Variants in KCNIP4 observed in about 807,000 individuals in gnomAD.
The protein encoded by KCNIP4 is potassium voltage-gated channel interacting protein 4.
Under a neutral mutation model 34.0 loss-of-function variants are expected in KCNIP4, and 12 were observed. The observed-to-expected ratio is 0.35, with a 90% CI of 0.23 to 0.57. The LOEUF is 0.57. Ranked by LOEUF, KCNIP4 falls within the 20% of genes least tolerant of loss-of-function variation. The probability of loss-of-function intolerance (pLI) is 0.83; values close to 1 mark genes in which losing one functional copy is unlikely to be tolerated. For synonymous variants in KCNIP4, 124 were observed against 102.2 expected, an observed-to-expected ratio of 1.21 and a Z score of -1.29; for missense variants, 238 against 311.7, an observed-to-expected ratio of 0.76 and a Z score of 1.78.
intron 1 of KCNIP4, among the ~76,000 whole-genome samples, chr4:21,622,995 A>G (rs1381976757): frequency 6.6e-6 from 1 of 152,206 alleles, no homozygotes; most frequent in African/African-American, 2.4e-5. Context: ...ATTCAATATG[A>G]TGGAGCTTAT....
chr4:20,936,268 C>G (rs546191617), intron 1 of KCNIP4, among the ~76,000 whole-genome samples: 4 of 152,158 alleles, frequency 2.6e-5, no homozygotes, highest in Non-Finnish European at 5.9e-5. Flanking sequence ...TAAAGAACTG[C>G]AGTTTCCATC....
At chr4:21,817,074 T>C (rs1430046518) in intron 1 of KCNIP4, among the ~76,000 whole-genome samples, 2 of 152,168 alleles carry the variant, frequency 1.3e-5, no homozygotes, top group South Asian at 2.1e-4. Flanking sequence ...TCTCCTCTTC[T>C]ATTGGTTCCT....
chr4:21,276,100 G>T (rs1434843128), intron 1 of KCNIP4, among the ~76,000 whole-genome samples: 2 of 152,192 alleles, frequency 1.3e-5, no homozygotes, highest in Non-Finnish European at 2.9e-5. Context: ...TCAAGCAAAT[G>T]GTGCCACTAC....
intron 1 of KCNIP4, among the ~76,000 whole-genome samples, chr4:20,893,154 G>A (rs549493552): frequency 1.3e-5 from 2 of 152,248 alleles, no homozygotes; most frequent in South Asian, 4.1e-4. Context: ...ACAGACTAAG[G>A]TACAGTCATT....
intron 1 of KCNIP4, among the ~76,000 whole-genome samples, chr4:20,915,680 G>GTA (rs998085629): frequency 5.9e-5 from 9 of 151,860 alleles, no homozygotes; most frequent in Admixed American, 3.9e-4. Context: ...CACCTTATAT[G>GTA]TATATATATA....
chr4:21,034,970 G>A (rs575139761), intron 1 of KCNIP4, among the ~76,000 whole-genome samples: 168 of 152,326 alleles, frequency 1.1e-3, no homozygotes, highest in African/African-American at 3.9e-3. Flanking sequence ...CCCAGAGGCA[G>A]ATGCCTACGT....
chr4:21,540,920 C>T (rs999766451), intron 1 of KCNIP4, among the ~76,000 whole-genome samples: 3 of 152,010 alleles, frequency 2.0e-5, no homozygotes, highest in African/African-American at 2.4e-5. Flanking sequence ...CCTGTAATCC[C>T]AGCACTTTGG....
At chr4:20,775,360 G>A (rs1315268477) in intron 3 of KCNIP4, among the ~76,000 whole-genome samples, 2 of 152,084 alleles carry the variant, frequency 1.3e-5, no homozygotes, top group Non-Finnish European at 2.9e-5. Context: ...GAACTTGTAT[G>A]TAGGAGTTAC....
chr4:21,789,477 C>G (rs139935139), intron 1 of KCNIP4, among the ~76,000 whole-genome samples: 143 of 152,256 alleles, frequency 9.4e-4, no homozygotes, highest in African/African-American at 3.3e-3. Flanking sequence ...AACATGGTCT[C>G]TTTTTCAGTA....
At chr4:20,819,666 T>C (rs918860651) in intron 3 of KCNIP4, among the ~76,000 whole-genome samples, 1 of 152,230 alleles carries the variant, frequency 6.6e-6, no homozygotes, top group African/African-American at 2.4e-5. Flanking sequence ...TTAAGAGATG[T>C]GGCCTTTTGA....
At chr4:21,080,876 T>A (rs1252936961) in intron 1 of KCNIP4, among the ~76,000 whole-genome samples, 1 of 151,794 alleles carries the variant, frequency 6.6e-6, no homozygotes, top group African/African-American at 2.4e-5. Context: ...TGGGCAACAC[T>A]CTACAGAAAG....
intron 1 of KCNIP4, among the ~76,000 whole-genome samples, chr4:21,180,605 G>C (rs1338302821): frequency 2.0e-5 from 3 of 151,442 alleles, no homozygotes; most frequent in Non-Finnish European, 4.4e-5. Flanking sequence ...TTAAACAAAG[G>C]AAGAAGAAAC....
At chr4:20,935,436 T>C (rs2149608491) in intron 1 of KCNIP4, among the ~76,000 whole-genome samples, 1 of 152,284 alleles carries the variant, frequency 6.6e-6, no homozygotes, top group Non-Finnish European at 1.5e-5. Flanking sequence ...TCAAACTGTC[T>C]CCATTTCCCA....
chr4:21,247,865 T>TACACACAC lies in KCNIP4; in HGVS notation c.62-365164_62-365157dup, dbSNP rs546614225. On this transcript the variant is annotated intron_variant, in intron 1 of 8. Coordinates refer to ENST00000382152, the MANE Select transcript of KCNIP4 (RefSeq NM_025221.6). ...ACAGGTGGAGATATATATATATATA[T>TACACACAC]ACACACACACACACACACCACAGGT... Among the ~76,000 whole-genome samples, 194 of 122,424 alleles carry TACACACAC rather than the reference T, an allele frequency of 1.6e-3. 5 individuals carry two copies. Among genetic ancestry groups the TACACACAC allele is most frequent in the African/African-American group, 6.2e-3 (183 of 29,518 alleles). The allele number at this position is 122,424 out of a possible 152,430, so 80.3% of individuals were successfully genotyped here.
intron 3 of KCNIP4, among the ~76,000 whole-genome samples, chr4:20,831,136 G>A (rs1487019266): frequency 6.6e-6 from 1 of 152,144 alleles, no homozygotes; most frequent in East Asian, 1.9e-4. Flanking sequence ...AAACATTTTT[G>A]TGTGTGTATC....
chr4:20,790,244 G>T (rs1712552964), intron 3 of KCNIP4, among the ~76,000 whole-genome samples: 2 of 152,016 alleles, frequency 1.3e-5, no homozygotes. Flanking sequence ...AATAAAAAAT[G>T]GTATCCTTGC....
intron 1 of KCNIP4, among the ~76,000 whole-genome samples, chr4:21,312,962 C>T (rs1713349448): frequency 6.6e-6 from 1 of 152,156 alleles, no homozygotes; most frequent in African/African-American, 2.4e-5. Flanking sequence ...TACAAATGTT[C>T]AGAAGTGTGA....
At chr4:21,416,516 G>A (rs1216720016) in intron 1 of KCNIP4, among the ~76,000 whole-genome samples, 2 of 152,180 alleles carry the variant, frequency 1.3e-5, no homozygotes, top group Non-Finnish European at 2.9e-5. Flanking sequence ...AAAGGAACAA[G>A]TGGCAATTAC....
chr4:21,633,680 CTT>C lies in KCNIP4; in HGVS notation c.61+314889_61+314890del, dbSNP rs773932377. ...ATTTTAGTCTTAGGACCTATTGACA[CTT>C]TCAAAAATTATCAAAGATTTCTAAG... On this transcript the variant is annotated intron_variant, in intron 1 of 8. Coordinates refer to ENST00000382152, the MANE Select transcript of KCNIP4 (RefSeq NM_025221.6). 2.0e-5 allele frequency among the ~76,000 whole-genome samples: 3 copies of C among 152,044 alleles called. No individual in the cohort carries two copies. In the East Asian group the frequency reaches 5.8e-4, roughly 29 times the overall value.
Sources: gnomAD v4.1 joint callset for allele counts (sites outside exome capture counted in the v4.1 genomes callset) on GRCh38, gnomAD v4.1.1 for gene constraint, MANE v1.5 for transcripts, NCBI Gene and HGNC (gene_info 2026-07-23, HGNC 2026-07-21) for gene names.